Variants in KRTAP9-3 observed in about 807,000 individuals in gnomAD.
The protein encoded by KRTAP9-3 is keratin associated protein 9-3.
KRTAP9-3 carries 12 observed loss-of-function variants against 13.0 expected under a neutral mutation model. The ratio of observed to expected loss-of-function variants is 0.93; its 90% CI spans 0.59 to 1.50. The LOEUF is 1.50. Ranked by LOEUF, KRTAP9-3 falls within the 40% of genes most tolerant of loss-of-function variation. The pLI, the probability that KRTAP9-3 is intolerant of heterozygous loss-of-function variation, is 0.00. For synonymous variants in KRTAP9-3, 89 were observed against 68.7 expected (o/e 1.29, Z -1.46); for missense variants, 232 against 195.2 (o/e 1.19, Z -1.12).
Position 41,233,142 on chromosome 17 carries a change from A to G in KRTAP9-3, c.*161A>G. 8.3e-7 allele frequency: 1 copy of G among 1,201,016 alleles called. No individual in the cohort carries two copies. Among genetic ancestry groups the G allele is most frequent in the Non-Finnish European group, 1.2e-6 (1 of 852,728 alleles). 74.4% of individuals were successfully genotyped at this position (1,201,016 alleles called of 1,614,324 possible). A position where few individuals can be genotyped will look rare whatever the true frequency, so the allele number is the denominator to read the frequency against. Reference sequence around the variant, plus strand: ...AAAATCTTGGGAATCTGCTTGAGGGAGGGCAGAATACTTCATCCTCATTCC... The same window carrying G: ...AAAATCTTGGGAATCTGCTTGAGGGGGGGCAGAATACTTCATCCTCATTCC... On this transcript the variant is annotated 3_prime_UTR_variant, in exon 1 of 1. Transcript: ENST00000411528.
Position 41,232,757 on chromosome 17 carries a change from T to G in KRTAP9-3, c.256T>G (p.Cys86Gly). 6.2e-7 allele frequency: 1 copy of G among 1,607,504 alleles called. No homozygotes were observed. Among genetic ancestry groups the G allele is most frequent in the Non-Finnish European group, 8.5e-7 (1 of 1,179,904 alleles). ...CSTPCCQPTC[C>G]GSSCGQSSSC... ...CACACCCTGCTGCCAGCCCACATGC[T>G]GTGGGTCCAGCTGTGGTCAGAGCAG... is the stretch of plus-strand genomic sequence containing the variant. Residue 86 changes from cysteine (C) to glycine (G), a missense_variant, in exon 1 of 1, where the codon TGT (cysteine) becomes GGT (glycine). By Grantham distance (159) the Cys-to-Gly change is radical. Transcript: ENST00000411528.
At position 41,232,472 on chromosome 17, in the gene KRTAP9-3, A is replaced by C. The variant is rs1366953729; in HGVS notation, c.-30A>C. Reference sequence around the variant, plus strand: ...TCAGATTTTGGGAAACTCACCTCTTAACAGAAGCCCACCCTCCATCCCTGA... The same window carrying C: ...TCAGATTTTGGGAAACTCACCTCTTCACAGAAGCCCACCCTCCATCCCTGA... On this transcript the variant is annotated 5_prime_UTR_variant, in exon 1 of 1. Transcript: ENST00000411528. The C allele has an allele frequency of 3.7e-6, 6 of 1,601,378 alleles. No individual in the cohort carries two copies. The highest frequency in any genetic ancestry group is 5.1e-6 in the Non-Finnish European group (6 of 1,176,880).
At position 41,232,719 on chromosome 17, in the gene KRTAP9-3, C is replaced by A; in HGVS notation, c.218C>A (p.Pro73His). 8 of 1,608,622 alleles carry A rather than the reference C, an allele frequency of 5.0e-6. No individual in the cohort carries two copies. Among genetic ancestry groups the A allele is most frequent in the Non-Finnish European group, 5.9e-6 (7 of 1,179,948 alleles). The change falls in exon 1 of 1, where the codon CCT (proline) becomes CAT (histidine). Residue 73 changes from proline (P) to histidine (H), a missense_variant. Physicochemically the swap from Pro to His is moderately conservative, Grantham distance 77. Coordinates refer to ENST00000411528, the MANE Select transcript of KRTAP9-3 (RefSeq NM_031962.3). ...ATCTGTGTGACCAGCTGCTGCCAGC[C>A]TTCCTGCTGTAGCACACCCTGCTGC... is the stretch of plus-strand genomic sequence containing the variant. ...QPICVTSCCQPSCCSTPCCQP... is the reference protein window; with the variant it reads ...QPICVTSCCQHSCCSTPCCQP...
rs1156331696 is a variant in KRTAP9-3, at chr17:41,232,996, A to C, written c.*15A>C. ...CTTGCTGCTAATCAACTCCCAAGAG[A>C]ACTACCATCCTCACACAACAACCTT... On this transcript the variant is annotated 3_prime_UTR_variant, in exon 1 of 1. Transcript: ENST00000411528. 3 of 1,607,992 alleles carry C rather than the reference A, an allele frequency of 1.9e-6. No homozygotes were observed. Among genetic ancestry groups the C allele is most frequent in the Middle Eastern group, 1.7e-4 (1 of 6,060 alleles).
rs1354466098 is a variant in KRTAP9-3 at position 41,232,596 on chromosome 17, G to C, written c.95G>C (p.Cys32Ser). Residue 32 changes from cysteine to serine, a missense_variant, in exon 1 of 1, where the codon TGC (cysteine) becomes TCC (serine). Physicochemically the swap from Cys to Ser is moderately radical, Grantham distance 112. Coordinates refer to ENST00000411528, the MANE Select transcript of KRTAP9-3 (RefSeq NM_031962.3). Reference protein sequence around the residue: ...TTVTTCSSTPCCQPSCCVSSC... With the variant: ...TTVTTCSSTPSCQPSCCVSSC... ...GTGACCACCTGCAGCAGCACACCCTGCTGTCAGCCCTCCTGCTGTGTTTCC... is the reference window on the plus strand; with the variant it reads ...GTGACCACCTGCAGCAGCACACCCTCCTGTCAGCCCTCCTGCTGTGTTTCC... 6.2e-7 allele frequency: 1 copy of C among 1,602,426 alleles called. No homozygotes were observed. The highest frequency in any genetic ancestry group is 2.2e-5 in the East Asian group (1 of 44,790).
In KRTAP9-3 at chr17:41,232,455, T is replaced by G; in HGVS notation, c.-47T>G. The G allele has an allele frequency of 6.3e-7, 1 of 1,589,878 alleles. No homozygotes were observed. The highest frequency in any genetic ancestry group is 8.5e-7 in the Non-Finnish European group (1 of 1,170,148). ...CAGATTGCAAGGGGTCATCAGATTTTGGGAAACTCACCTCTTAACAGAAGC... is the reference window on the plus strand; with the variant it reads ...CAGATTGCAAGGGGTCATCAGATTTGGGGAAACTCACCTCTTAACAGAAGC... On this transcript the variant is annotated 5_prime_UTR_variant, in exon 1 of 1. Transcript: ENST00000411528.
rs761893829 is a variant in KRTAP9-3, at chr17:41,232,484, C to T, written c.-18C>T. ...AAACTCACCTCTTAACAGAAGCCCA[C>T]CCTCCATCCCTGACACCATGACCCA... On this transcript the variant is annotated 5_prime_UTR_variant, in exon 1 of 1. Coordinates refer to ENST00000411528, the MANE Select transcript of KRTAP9-3 (RefSeq NM_031962.3). 1 of 1,603,650 alleles carries T rather than the reference C, an allele frequency of 6.2e-7. No homozygotes were observed. The highest frequency in any genetic ancestry group is 8.5e-7 in the Non-Finnish European group (1 of 1,178,016).
Position 41,232,599 on chromosome 17 carries a change from G to T in KRTAP9-3, c.98G>T (p.Cys33Phe), listed in dbSNP as rs1464336076. 8 of 1,602,528 alleles carry T rather than the reference G, an allele frequency of 5.0e-6. No individual in the cohort carries two copies. The highest frequency in any genetic ancestry group is 6.8e-6 in the Non-Finnish European group (8 of 1,175,816). Residue 33 changes from cysteine (C) to phenylalanine (F), a missense_variant, in exon 1 of 1, where the codon TGT becomes TTT. Physicochemically the swap from Cys to Phe is radical, Grantham distance 205. Transcript: ENST00000411528. Reference protein sequence around the residue: ...TVTTCSSTPCCQPSCCVSSCC... With the variant: ...TVTTCSSTPCFQPSCCVSSCC... ...ACCACCTGCAGCAGCACACCCTGCT[G>T]TCAGCCCTCCTGCTGTGTTTCCAGC...
Position 41,232,895 on chromosome 17 carries a change from C to T in KRTAP9-3, c.394C>T (p.Pro132Ser). The part of the protein sequence containing the change: ...GSNCCQPCCR[P>S]ACCETTCCRT... ...CAACTGCTGCCAGCCCTGCTGCCGC[C>T]CAGCCTGCTGTGAGACCACCTGCTG... is the stretch of plus-strand genomic sequence containing the variant. Residue 132 changes from proline to serine, a missense_variant, in exon 1 of 1, where the codon CCA (proline) becomes TCA (serine). Coordinates refer to ENST00000411528, the MANE Select transcript of KRTAP9-3 (RefSeq NM_031962.3). The T allele has an allele frequency of 6.2e-7, 1 of 1,608,168 alleles. No homozygotes were observed. The highest frequency in any genetic ancestry group is 8.5e-7 in the Non-Finnish European group (1 of 1,179,916).
In KRTAP9-3 at chr17:41,232,993, G is replaced by GAGAA. The variant is rs1418503141; in HGVS notation, c.*13_*16dup. The GAGAA allele has an allele frequency of 4.4e-6, 7 of 1,608,296 alleles. No homozygotes were observed. The highest frequency in any genetic ancestry group is 1.7e-4 in the Middle Eastern group (1 of 6,060). On this transcript the variant is annotated 3_prime_UTR_variant, in exon 1 of 1. Coordinates refer to ENST00000411528, the MANE Select transcript of KRTAP9-3 (RefSeq NM_031962.3). Reference sequence around the variant, plus strand: ...CTTCTTGCTGCTAATCAACTCCCAAGAGAACTACCATCCTCACACAACAAC... The same window carrying GAGAA: ...CTTCTTGCTGCTAATCAACTCCCAAGAGAAAGAACTACCATCCTCACACAACAAC...
Position 41,232,698 on chromosome 17 carries a change from G to C in KRTAP9-3, c.197G>C (p.Cys66Ser). The change falls in exon 1 of 1, where the codon TGT becomes TCT. Residue 66 changes from cysteine (C) to serine (S), a missense_variant. Cys to Ser is a moderately radical substitution (Grantham distance 112, BLOSUM62 -1). Coordinates refer to ENST00000411528, the MANE Select transcript of KRTAP9-3 (RefSeq NM_031962.3). ...CCRTTCCQPI[C>S]VTSCCQPSCC... ...AGGACCACCTGCTGCCAGCCCATCTGTGTGACCAGCTGCTGCCAGCCTTCC... is the reference window on the plus strand; with the variant it reads ...AGGACCACCTGCTGCCAGCCCATCTCTGTGACCAGCTGCTGCCAGCCTTCC... 6.2e-7 allele frequency: 1 copy of C among 1,608,542 alleles called. No individual in the cohort carries two copies. The highest frequency in any genetic ancestry group is 8.5e-7 in the Non-Finnish European group (1 of 1,179,926).
Position 41,232,731 on chromosome 17 carries a change from G to A in KRTAP9-3, c.230G>A (p.Ser77Asn), listed in dbSNP as rs1397320549. The change falls in exon 1 of 1, where the codon AGC becomes AAC. Residue 77 changes from serine (S) to asparagine (N), a missense_variant. Coordinates refer to ENST00000411528, the MANE Select transcript of KRTAP9-3 (RefSeq NM_031962.3). Reference sequence around the variant, plus strand: ...AGCTGCTGCCAGCCTTCCTGCTGTAGCACACCCTGCTGCCAGCCCACATGC... The same window carrying A: ...AGCTGCTGCCAGCCTTCCTGCTGTAACACACCCTGCTGCCAGCCCACATGC... The part of the protein sequence containing the change: ...VTSCCQPSCC[S>N]TPCCQPTCCG... The A allele has an allele frequency of 8.1e-6, 13 of 1,606,426 alleles. No individual in the cohort carries two copies. Among genetic ancestry groups the A allele is most frequent in the East Asian group, 4.5e-5 (2 of 44,820 alleles).
Position 41,232,904 on chromosome 17 carries a change from T to G in KRTAP9-3, c.403T>G (p.Cys135Gly). 2 of 1,608,686 alleles carry G rather than the reference T, an allele frequency of 1.2e-6. No homozygotes were observed. Among genetic ancestry groups the G allele is most frequent in the Non-Finnish European group, 1.7e-6 (2 of 1,179,966 alleles). The change falls in exon 1 of 1, where the codon TGT (cysteine) becomes GGT (glycine). Residue 135 changes from cysteine to glycine, a missense_variant. By Grantham distance (159) the Cys-to-Gly change is radical. Coordinates refer to ENST00000411528, the MANE Select transcript of KRTAP9-3 (RefSeq NM_031962.3). The stretch of plus-strand genomic sequence containing the variant: ...CCAGCCCTGCTGCCGCCCAGCCTGC[T>G]GTGAGACCACCTGCTGCAGGACCAC... ...CCQPCCRPAC[C>G]ETTCCRTTCF...
chr17:41,232,672 T>C lies in KRTAP9-3; in HGVS notation c.171T>C (p.Cys57=), dbSNP rs879215963. Residue 57 remains cysteine (C), a synonymous_variant, in exon 1 of 1, where the codon TGT becomes TGC. Coordinates refer to ENST00000411528, the MANE Select transcript of KRTAP9-3 (RefSeq NM_031962.3). ...CHPTCCQNTC[C]RTTCCQPICV... ...CAACTTGCTGTCAAAACACCTGCTG[T>C]AGGACCACCTGCTGCCAGCCCATCT... is the stretch of plus-strand genomic sequence containing the variant. 1.2e-6 allele frequency: 2 copies of C among 1,607,350 alleles called. No homozygotes were observed. Among genetic ancestry groups the C allele is most frequent in the Admixed American group, 1.7e-5 (1 of 59,904 alleles).
At position 41,232,654 on chromosome 17, in the gene KRTAP9-3, C is replaced by T; in HGVS notation, c.153C>T (p.Cys51=). The change falls in exon 1 of 1, where the codon TGC becomes TGT. Residue 51 remains cysteine (C), a synonymous_variant. Coordinates refer to ENST00000411528, the MANE Select transcript of KRTAP9-3 (RefSeq NM_031962.3). ...SCCQPCCHPT[C]CQNTCCRTTC... ...GCCAGCCTTGCTGCCACCCAACTTG[C>T]TGTCAAAACACCTGCTGTAGGACCA... The T allele has an allele frequency of 6.2e-7, 1 of 1,608,310 alleles. No homozygotes were observed. Among genetic ancestry groups the T allele is most frequent in the Non-Finnish European group, 8.5e-7 (1 of 1,179,934 alleles).
Position 41,232,712 on chromosome 17 carries a change from T to G in KRTAP9-3, c.211T>G (p.Cys71Gly), listed in dbSNP as rs2015876540. The change falls in exon 1 of 1, where the codon TGC becomes GGC. Residue 71 changes from cysteine to glycine, a missense_variant. Coordinates refer to ENST00000411528, the MANE Select transcript of KRTAP9-3 (RefSeq NM_031962.3). ...CCAGCCCATCTGTGTGACCAGCTGCTGCCAGCCTTCCTGCTGTAGCACACC... is the reference window on the plus strand; with the variant it reads ...CCAGCCCATCTGTGTGACCAGCTGCGGCCAGCCTTCCTGCTGTAGCACACC... ...CCQPICVTSC[C>G]QPSCCSTPCC... 8 of 1,608,580 alleles carry G rather than the reference T, an allele frequency of 5.0e-6. No individual in the cohort carries two copies. The East Asian group carries it at 1.8e-4, about 36-fold the overall frequency.
At chr17:41,232,662 A>ACACCTGC in the KRTAP9-3 span, 2 of 1,605,598 alleles carry the variant, frequency 1.2e-6, no homozygotes, top group Admixed American at 1.7e-5. Flanking sequence ...TGCTGTCAAA[A>ACACCTGC]CACCTGCTGT....
At position 41,233,200 on chromosome 17, in the gene KRTAP9-3, G is replaced by C. The variant is rs2015895654; in HGVS notation, c.*219G>C. Reference sequence around the variant, plus strand: ...CTTACACCTTGTGGATCATGTGCCAGCTTCGTCTGTTCTTAATTTGGAGTC... The same window carrying C: ...CTTACACCTTGTGGATCATGTGCCACCTTCGTCTGTTCTTAATTTGGAGTC... On this transcript the variant is annotated 3_prime_UTR_variant, in exon 1 of 1. Transcript: ENST00000411528. The C allele has an allele frequency of 2.4e-6, 2 of 825,876 alleles. No homozygotes were observed. The highest frequency in any genetic ancestry group is 3.7e-6 in the Non-Finnish European group (2 of 535,126). The allele number at this position is 825,876 out of a possible 1,614,324, so 51.2% of individuals were successfully genotyped here. A position where few individuals can be genotyped will look rare whatever the true frequency, so the allele number is the denominator to read the frequency against.
rs1243369644 is a variant in KRTAP9-3 at position 41,233,152 on chromosome 17, A to G, written c.*171A>G. The G allele has an allele frequency of 4.5e-6, 5 of 1,106,722 alleles. No homozygotes were observed. The highest frequency in any genetic ancestry group is 6.5e-6 in the Non-Finnish European group (5 of 770,728). The allele number at this position is 1,106,722 out of a possible 1,614,324, so 68.6% of individuals were successfully genotyped here. On this transcript the variant is annotated 3_prime_UTR_variant, in exon 1 of 1. Transcript: ENST00000411528. ...GAATCTGCTTGAGGGAGGGCAGAAT[A>G]CTTCATCCTCATTCCCTCTTTCCTT...
Sources: allele counts gnomAD v4.1 joint callset, GRCh38; gene constraint gnomAD v4.1.1; transcripts MANE v1.5; gene names NCBI Gene and HGNC (gene_info 2026-07-23, HGNC 2026-07-21).